FNBP4: variants seen among roughly 807,000 people sequenced by gnomAD.
FNBP4 encodes formin binding protein 4.
FNBP4 carries 34 observed loss-of-function variants against 119.3 expected under a neutral mutation model. The ratio of observed to expected loss-of-function variants is 0.28; its 90% CI spans 0.22 to 0.38. FNBP4 has a LOEUF of 0.38. FNBP4 is among the 10% of genes least tolerant of loss of function. The probability of loss-of-function intolerance (pLI) is 1.00; values close to 1 mark genes in which losing one functional copy is unlikely to be tolerated. For missense variants in FNBP4, 1,112 were observed against 1,228.9 expected (o/e 0.90, Z 1.42); for synonymous variants, 462 against 430.6 (o/e 1.07, Z -0.90).
intron 8 of FNBP4, among the ~76,000 whole-genome samples, chr11:47,737,087 C>T (rs2135140631): frequency 6.6e-6 from 1 of 152,060 alleles, no homozygotes; most frequent in South Asian, 2.1e-4. Flanking sequence ...CCTGTAGTCC[C>T]AACTGAGGCA....
rs542618565 is a variant in FNBP4, at chr11:47,762,196, G to A, written c.313+3074C>T. Among the ~76,000 whole-genome samples the A allele has an allele frequency of 3.7e-3, 554 of 149,374 alleles. 6 individuals are homozygous for A. The highest frequency in any genetic ancestry group is 0.013 in the African/African-American group (531 of 40,572). On this transcript the variant is annotated intron_variant, in intron 2 of 16. Coordinates refer to ENST00000263773, the MANE Select transcript of FNBP4 (RefSeq NM_015308.5). Reference sequence around the variant, plus strand: ...CACCCAGGCTGGAGTGCAATGGTGTGGTCTAGCTCATTGCAACCTCCGCCT... The same window carrying A: ...CACCCAGGCTGGAGTGCAATGGTGTAGTCTAGCTCATTGCAACCTCCGCCT...
At position 47,765,301 on chromosome 11, in the gene FNBP4, C is replaced by T. The variant is rs2097644506; in HGVS notation, c.282G>A (p.Met94Ile). ...CTTTAACAGCTGTGGGTCTAGTGGT[C>T]ATGACTGGTTTTGGAGGATTCTGAA... ...RVVQNPPKPV[M>I]TTRPTAVKAT... The change falls in exon 2 of 17, where the codon ATG becomes ATA. Residue 94 changes from methionine to isoleucine, a missense_variant. Met to Ile is a conservative substitution (Grantham distance 10). Transcript: ENST00000263773. 2 of 1,612,030 alleles carry T rather than the reference C, an allele frequency of 1.2e-6. No individual in the cohort carries two copies. The highest frequency in any genetic ancestry group is 1.3e-5 in the African/African-American group (1 of 74,566).
intron 8 of FNBP4, 26 bp from the exon 9 acceptor site, chr11:47,736,766 A>G: frequency 6.4e-7 from 1 of 1,570,294 alleles, no homozygotes; most frequent in Non-Finnish European, 8.7e-7. Flanking sequence ...GTAAAATTAA[A>G]CCAAAGTACC....
intron 2 of FNBP4, among the ~76,000 whole-genome samples, chr11:47,758,098 C>T (rs1451221699): frequency 2.0e-5 from 3 of 151,994 alleles, no homozygotes; most frequent in Non-Finnish European, 4.4e-5. Flanking sequence ...TTTTTCATTT[C>T]TTTTTTTTGA....
In FNBP4 at chr11:47,767,223, A is replaced by T; in HGVS notation, c.66T>A (p.Pro22=). 1 of 1,569,760 alleles carries T rather than the reference A, an allele frequency of 6.4e-7. No homozygotes were observed. Among genetic ancestry groups the T allele is most frequent in the Non-Finnish European group, 8.6e-7 (1 of 1,164,634 alleles). The change falls in exon 1 of 17, where the codon CCT becomes CCA. Residue 22 remains proline, a synonymous_variant. Transcript: ENST00000263773. ...RPILQLSPPG[P]RGSTPGRDPE... ...GGTCCCGGCCCGGCGTGCTGCCCCG[A>T]GGACCCGGCGGAGAGAGTTGCAGGA...
chr11:47,734,986 C>CA (rs1437186136), intron 9 of FNBP4, among the ~76,000 whole-genome samples: 13 of 112,654 alleles, frequency 1.2e-4, no homozygotes, highest in South Asian at 2.8e-4. Context: ...ACACCCCCCC[C>CA]CCCAAAAAAA....
At chr11:47,723,697 C>G (rs562574924) in intron 14 of FNBP4, among the ~76,000 whole-genome samples, 2 of 151,980 alleles carry the variant, frequency 1.3e-5, no homozygotes, top group Non-Finnish European at 2.9e-5. Flanking sequence ...CCTGAGTAGC[C>G]GGGACTACAG....
chr11:47,744,082 G>C lies in FNBP4; in HGVS notation c.1327C>G (p.Gln443Glu). ...PRSDISQPAS[Q>E]DGMRRLMSKR... Reference sequence around the variant, plus strand: ...GACATAAGCCTACGCATTCCATCTTGAGATGCTGGCTGGCTGATATCAGAA... The same window carrying C: ...GACATAAGCCTACGCATTCCATCTTCAGATGCTGGCTGGCTGATATCAGAA... The change falls in exon 8 of 17, where the codon CAA (glutamine) becomes GAA (glutamate). Residue 443 changes from glutamine to glutamate, a missense_variant. Gln to Glu is a conservative substitution (Grantham distance 29, BLOSUM62 2). Transcript: ENST00000263773. The C allele has an allele frequency of 1.9e-6, 3 of 1,614,084 alleles. No individual in the cohort carries two copies. Among genetic ancestry groups the C allele is most frequent in the Non-Finnish European group, 2.5e-6 (3 of 1,180,022 alleles).
At chr11:47,717,575 C>A in intron 16 of FNBP4, 63 bp from the exon 17 acceptor site, 1 of 1,211,700 alleles carries the variant, frequency 8.3e-7, no homozygotes. Flanking sequence ...ATTCATTTCC[C>A]AGCAAATAAA....
At chr11:47,754,696 C>G in intron 2 of FNBP4, 32 bp from the exon 3 acceptor site, 1 of 1,606,972 alleles carries the variant, frequency 6.2e-7, no homozygotes, top group Non-Finnish European at 8.5e-7. Context: ...GTATTTGTAA[C>G]AACAATGTCA....
At chr11:47,720,858 C>T (rs1042932765) in intron 15 of FNBP4, among the ~76,000 whole-genome samples, 39 of 151,038 alleles carry the variant, frequency 2.6e-4, no homozygotes, top group African/African-American at 8.5e-4. Flanking sequence ...CGGCGGTGGG[C>T]GACTGTAGTC....
intron 6 of FNBP4, among the ~76,000 whole-genome samples, chr11:47,747,848 T>G (rs893072409): frequency 1.3e-5 from 2 of 152,036 alleles, no homozygotes; most frequent in Non-Finnish European, 2.9e-5. Flanking sequence ...TTCGGGAGGC[T>G]GAGGCAGAAG....
At chr11:47,765,243 A>T (rs2097644390) in intron 2 of FNBP4, 27 bp downstream of exon 2, 1 of 1,520,732 alleles carries the variant, frequency 6.6e-7, no homozygotes, top group East Asian at 2.3e-5. Context: ...TGGGAGAAAA[A>T]ATGTAAAAAA....
chr11:47,719,656 G>A, intron 16 of FNBP4, among the ~76,000 whole-genome samples: 1 of 151,808 alleles, frequency 6.6e-6, no homozygotes, highest in African/African-American at 2.4e-5. Context: ...ATGATGTACT[G>A]AGAGTTAAGA....
intron 16 of FNBP4, among the ~76,000 whole-genome samples, chr11:47,718,420 G>A (rs989193756): frequency 8.6e-5 from 13 of 151,678 alleles, no homozygotes; most frequent in Admixed American, 2.6e-4. Flanking sequence ...CACTATGTTG[G>A]CCAGGCTGGT....
chr11:47,733,583 C>T (rs1287376997), intron 10 of FNBP4, among the ~76,000 whole-genome samples: 2 of 152,082 alleles, frequency 1.3e-5, no homozygotes, highest in Non-Finnish European at 2.9e-5. Flanking sequence ...ATCTACCTGC[C>T]CCGGCCTCCC....
chr11:47,733,187 C>T (rs2097569530), intron 10 of FNBP4, among the ~76,000 whole-genome samples: 1 of 152,190 alleles, frequency 6.6e-6, no homozygotes, highest in Non-Finnish European at 1.5e-5. Context: ...TTTAACACTA[C>T]CAACTCTCCA....
chr11:47,761,732 A>C (rs2097635076), intron 2 of FNBP4, among the ~76,000 whole-genome samples: 1 of 152,208 alleles, frequency 6.6e-6, no homozygotes, highest in Non-Finnish European at 1.5e-5. Context: ...TGGGCAATAA[A>C]GTGAGACCAT....
chr11:47,753,759 A>C (rs73451068), intron 3 of FNBP4, among the ~76,000 whole-genome samples: 1 of 152,074 alleles, frequency 6.6e-6, no homozygotes, highest in Admixed American at 6.6e-5. Flanking sequence ...TCACGCCACC[A>C]CATTTCAGCC....
Sources: gnomAD v4.1 joint callset for allele counts (sites outside exome capture counted in the v4.1 genomes callset) on GRCh38, gnomAD v4.1.1 for gene constraint, MANE v1.5 for transcripts, NCBI Gene and HGNC (gene_info 2026-07-23, HGNC 2026-07-21) for gene names.